Variants in LRIG2 observed in about 807,000 individuals in gnomAD.
LRIG2 encodes the protein leucine rich repeats and immunoglobulin like domains 2, also known as leucine-rich repeats and immunoglobulin-like domains protein 2.
A neutral mutation model predicts 107.8 loss-of-function variants in LRIG2; 93 were observed. The ratio of observed to expected loss-of-function variants is 0.86; its 90% CI spans 0.73 to 1.03. LRIG2 has a LOEUF of 1.03. LRIG2 is among the 50% of genes least tolerant of loss of function. The probability of loss-of-function intolerance (pLI) is 0.00; values close to 1 mark genes in which losing one functional copy is unlikely to be tolerated. For synonymous variants in LRIG2, 471 were observed against 470.6 expected, an observed-to-expected ratio of 1.00 and a Z score of -0.01; for missense variants, 1,226 against 1,296.0, an observed-to-expected ratio of 0.95 and a Z score of 0.83.
At chr1:113,112,399 A>G in intron 13 of LRIG2, 80 bp from the exon 14 acceptor site, 1 of 1,306,154 alleles carries the variant, frequency 7.7e-7, no homozygotes. Context: ...TGCCTACTAG[A>G]TTCTTTCATG....
In LRIG2 at chr1:113,098,771, A is replaced by G; in HGVS notation, c.1158A>G (p.Thr386=). The stretch of plus-strand genomic sequence containing the variant: ...CTAGTGAAGCCTTTGCTGGACTCAC[A>G]AGTCTCACTAAACTGTATGTATTAT... The part of the protein sequence containing the change: ...EDASEAFAGL[T]SLTKLILQGN... The change falls in exon 9 of 18, where the codon ACA becomes ACG. Residue 386 remains threonine (T), a synonymous_variant. Transcript: ENST00000361127. 6.2e-7 allele frequency: 1 copy of G among 1,604,034 alleles called. No homozygotes were observed. The highest frequency in any genetic ancestry group is 8.5e-7 in the Non-Finnish European group (1 of 1,170,980).
At chr1:113,078,660 G>A (rs567860474) in intron 1 of LRIG2, among the ~76,000 whole-genome samples, 37 of 148,298 alleles carry the variant, frequency 2.5e-4, no homozygotes, top group Admixed American at 1.5e-3. Context: ...TTTTTGAGAC[G>A]GAATAGTTTC....
chr1:113,091,440 T>A, intron 2 of LRIG2, 57 bp downstream of exon 2: 1 of 1,131,298 alleles, frequency 8.8e-7, no homozygotes, highest in Non-Finnish European at 1.3e-6. Flanking sequence ...ACTTAATAAA[T>A]TGTGATTTGT....
At chr1:113,102,094 T>G (rs908593010) in intron 11 of LRIG2, among the ~76,000 whole-genome samples, 6 of 152,140 alleles carry the variant, frequency 3.9e-5, no homozygotes, top group African/African-American at 1.4e-4. Flanking sequence ...AGGACCTTAA[T>G]GAAATGGCAA....
At position 113,091,302 on chromosome 1, in the gene LRIG2, T is replaced by C. The variant is rs1653812032; in HGVS notation, c.240-16T>C. 2 of 1,556,590 alleles carry C rather than the reference T, an allele frequency of 1.3e-6. No homozygotes were observed. The highest frequency in any genetic ancestry group is 1.4e-5 in the African/African-American group (1 of 73,126). On this transcript the variant is annotated splice_polypyrimidine_tract_variant and intron_variant, in intron 1 of 17. Transcript: ENST00000361127. ...TTCCAGGACTAAACTAAGAATGATATTTTGTCCTCTTTCAGGGATTTCAGT... is the reference window on the plus strand; with the variant it reads ...TTCCAGGACTAAACTAAGAATGATACTTTGTCCTCTTTCAGGGATTTCAGT...
In LRIG2 at chr1:113,096,915, T is replaced by G. The variant is rs571613546; in HGVS notation, c.1091+550T>G. 5.9e-5 allele frequency among the ~76,000 whole-genome samples: 9 copies of G among 152,326 alleles called. No homozygotes were observed. In the East Asian group the frequency reaches 1.7e-3, roughly 29 times the overall value. On this transcript the variant is annotated intron_variant, in intron 8 of 17. Transcript: ENST00000361127. ...TCAGAGAAATTTAAATAATTTTCTC[T>G]AAGTCACATAGCTTGTAAATGTTGG...
chr1:113,092,692 A>G (rs1454833149), intron 2 of LRIG2, among the ~76,000 whole-genome samples: 1 of 152,224 alleles, frequency 6.6e-6, no homozygotes, highest in Non-Finnish European at 1.5e-5. Flanking sequence ...GATCAACACT[A>G]TGAAAATACA....
In LRIG2 at chr1:113,131,801, T is replaced by TG. The variant is rs1655709032; in HGVS notation, c.*7700_*7701insG. 1 of 75,690 alleles carries TG rather than the reference T, an allele frequency of 1.3e-5. No homozygotes were observed. Among genetic ancestry groups the TG allele is most frequent in the African/African-American group, 4.5e-5 (1 of 22,224 alleles). The allele number at this position is 75,690 out of a possible 1,614,324, so 4.7% of individuals were successfully genotyped here. On this transcript the variant is annotated 3_prime_UTR_variant, in exon 18 of 18. Transcript: ENST00000361127. ...AGGTTTTGTCAGTAGTAAGGTAGGT[T>TG]TTGTGTGTGTGTGTGTGTGTGTGTG...
chr1:113,123,549 G>A (rs1011479891), intron 17 of LRIG2, among the ~76,000 whole-genome samples: 10 of 152,100 alleles, frequency 6.6e-5, no homozygotes, highest in Non-Finnish European at 1.5e-5. Flanking sequence ...ACTCCAGCCC[G>A]GGCAACAAGA....
chr1:113,092,827 T>C (rs1198358204), intron 2 of LRIG2, among the ~76,000 whole-genome samples: 1 of 151,914 alleles, frequency 6.6e-6, no homozygotes, highest in Non-Finnish European at 1.5e-5. Flanking sequence ...CTGTCTCTAC[T>C]AAAAATACAA....
intron 13 of LRIG2, among the ~76,000 whole-genome samples, chr1:113,111,346 A>G (rs1271583751): frequency 6.6e-6 from 1 of 152,170 alleles, no homozygotes; most frequent in African/African-American, 2.4e-5. Context: ...TTATTTCAGT[A>G]CCTTTTGGGG....
At chr1:113,119,544 GT>G (rs754118691) in intron 17 of LRIG2, 21 bp downstream of exon 17, 1 of 1,606,020 alleles carries the variant, frequency 6.2e-7, no homozygotes, top group Non-Finnish European at 8.5e-7. Flanking sequence ...TATTTTTGTT[GT>G]TATTTTGTTT....
rs41312692 is a variant in LRIG2, at chr1:113,116,291, G to A, written c.2535G>A (p.Glu845=). The change falls in exon 16 of 18, where the codon GAG becomes GAA. Residue 845 remains glutamate (E), a synonymous_variant. Transcript: ENST00000361127. The stretch of plus-strand genomic sequence containing the variant: ...TTAAAAATGTCTCTTTTACAGAGGA[G>A]CTCAATCTGCCTGCAGACATTCCCA... ...NEDYSITNTE[E]LNLPADIPSY... 37,943 of 1,611,748 alleles carry A rather than the reference G, an allele frequency of 0.024. 576 individuals carry two copies. The highest frequency in any genetic ancestry group is 0.027 in the Non-Finnish European group (31,258 of 1,178,570).
At chr1:113,107,559 A>G (rs1654590227) in intron 11 of LRIG2, 35 bp from the exon 12 acceptor site, 1 of 1,592,866 alleles carries the variant, frequency 6.3e-7, no homozygotes, top group South Asian at 1.1e-5. Flanking sequence ...TGAAAAGTAA[A>G]ACAAAGGATG....
chr1:113,073,440 C>A lies in LRIG2; in HGVS notation c.34C>A (p.Gln12Lys). The A allele has an allele frequency of 6.2e-7, 1 of 1,614,142 alleles. No individual in the cohort carries two copies. Among genetic ancestry groups the A allele is most frequent in the Non-Finnish European group, 8.5e-7 (1 of 1,179,986 alleles). ...GGCGCCCCTAGGCGTCCCGGAGGAG[C>A]AGTTGCTGGGGTGTCGATCTAGAGT... is the stretch of plus-strand genomic sequence containing the variant. ...APAPLGVPEEQLLGCRSRVLS... is the reference protein window; with the variant it reads ...APAPLGVPEEKLLGCRSRVLS... Residue 12 changes from glutamine (Q) to lysine (K), a missense_variant, in exon 1 of 18, where the codon CAG becomes AAG. Gln to Lys is a moderately conservative substitution (Grantham distance 53). This residue lies in a region of LRIG2 where 570 missense variants were observed against 550.2 expected (regional missense o/e 1.04). Coordinates refer to ENST00000361127, the MANE Select transcript of LRIG2 (RefSeq NM_014813.3).
At chr1:113,078,535 T>C (rs1358065639) in intron 1 of LRIG2, among the ~76,000 whole-genome samples, 2 of 151,898 alleles carry the variant, frequency 1.3e-5, no homozygotes, top group Admixed American at 1.3e-4. Context: ...GAGTATGAGC[T>C]CACTAGCAGT....
chr1:113,115,369 C>T (rs1248257078), intron 15 of LRIG2, among the ~76,000 whole-genome samples: 3 of 151,948 alleles, frequency 2.0e-5, no homozygotes, highest in Non-Finnish European at 2.9e-5. Flanking sequence ...CATGTGCCAC[C>T]GCGCCTAAGT....
At chr1:113,079,244 G>A (rs1185631606) in intron 1 of LRIG2, among the ~76,000 whole-genome samples, 3 of 151,774 alleles carry the variant, frequency 2.0e-5, no homozygotes, top group Non-Finnish European at 4.4e-5. Flanking sequence ...GTTACTTGGG[G>A]GGCTGAGGTA....
intron 1 of LRIG2, among the ~76,000 whole-genome samples, chr1:113,085,376 C>T (rs1277768532): frequency 9.9e-5 from 15 of 152,142 alleles, no homozygotes; most frequent in African/African-American, 3.1e-4. Context: ...CTCCGCCTCC[C>T]GGGTTCAAGT....
Sources: gnomAD v4.1 joint callset for allele counts (sites outside exome capture counted in the v4.1 genomes callset) on GRCh38, gnomAD v4.1.1 for gene constraint, gnomAD v4.1.1 regional missense constraint, MANE v1.5 for transcripts, NCBI Gene and HGNC (gene_info 2026-07-23, HGNC 2026-07-21) for gene names.